TXLNA: variants seen among roughly 807,000 people sequenced by gnomAD.
TXLNA encodes taxilin alpha.
A neutral mutation model predicts 61.4 loss-of-function variants in TXLNA; 9 were observed. The ratio of observed to expected loss-of-function variants is 0.15; its 90% CI spans 0.09 to 0.26. TXLNA has a LOEUF of 0.26. Among genes scored for constraint, TXLNA ranks in the 10% least tolerant of loss-of-function variants. The pLI is 1.00. For synonymous variants in TXLNA, 257 were observed against 267.7 expected, an observed-to-expected ratio of 0.96 and a Z score of 0.39; for missense variants, 565 against 688.8, an observed-to-expected ratio of 0.82 and a Z score of 2.01.
At chr1:32,190,748 A>T (rs757280417) in intron 6 of TXLNA, among the ~76,000 whole-genome samples, 5 of 152,002 alleles carry the variant, frequency 3.3e-5, no homozygotes, top group African/African-American at 9.7e-5. Context: ...TCAGTGATGG[A>T]CTCCAGAGAC....
rs1242241367 is a variant in TXLNA at position 32,181,507 on chromosome 1, C to T, written c.435C>T (p.Ile145=). Residue 145 remains isoleucine, a synonymous_variant, in exon 3 of 11, where the codon ATC becomes ATT. Transcript: ENST00000373610. ...PSKGDPNTEE[I]RQSDEVGDRD... is the part of the protein sequence containing the mutation. ...AGGGGGATCCAAACACAGAAGAGAT[C>T]CGGCAGAGTGACGAGGTCGGAGACC... 1 of 1,604,834 alleles carries T rather than the reference C, an allele frequency of 6.2e-7. No homozygotes were observed. The highest frequency in any genetic ancestry group is 2.2e-5 in the East Asian group (1 of 44,608).
In TXLNA at chr1:32,195,019, A is replaced by C. The variant is rs199779330; in HGVS notation, c.1465A>C (p.Ser489Arg). 1 of 1,614,172 alleles carries C rather than the reference A, an allele frequency of 6.2e-7. No homozygotes were observed. Among genetic ancestry groups the C allele is most frequent in the African/African-American group, 1.3e-5 (1 of 75,064 alleles). ...NDLNKRVQDL[S>R]AGGQGSLTDS... is the part of the protein sequence containing the mutation. ...CCTGAACAAGAGGGTACAGGACCTGAGTGCTGGTGGCCAGGGCTCCCTCAC... is the reference window on the plus strand; with the variant it reads ...CCTGAACAAGAGGGTACAGGACCTGCGTGCTGGTGGCCAGGGCTCCCTCAC... Residue 489 changes from serine to arginine, a missense_variant, in exon 11 of 11, where the codon AGT becomes CGT. Physicochemically the swap from Ser to Arg is moderately radical, Grantham distance 110. Coordinates refer to ENST00000373610, the MANE Select transcript of TXLNA (RefSeq NM_175852.4).
intron 2 of TXLNA, 27 bp from the exon 3 acceptor site, chr1:32,181,213 ACT>A: frequency 6.7e-7 from 1 of 1,496,622 alleles, no homozygotes; most frequent in East Asian, 2.3e-5. Flanking sequence ...CTTCTTTCTC[ACT>A]CTACCCCTCA....
intron 3 of TXLNA, 120 bp from the exon 4 acceptor site, chr1:32,184,405 C>A: frequency 1.4e-6 from 1 of 701,472 alleles, no homozygotes; most frequent in Non-Finnish European, 2.6e-6. Context: ...GGCAGCTAAT[C>A]AACAAGCAAA....
At chr1:32,180,237 C>A in intron 1 of TXLNA, 77 bp from the exon 2 acceptor site, 1 of 1,385,594 alleles carries the variant, frequency 7.2e-7, no homozygotes, top group Non-Finnish European at 9.6e-7. Context: ...GCTTTGTGCG[C>A]CTGCTGTGGG....
At chr1:32,182,098 C>CTTTTTTTTTT (rs35693792) in intron 3 of TXLNA, among the ~76,000 whole-genome samples, 8 of 101,696 alleles carry the variant, frequency 7.9e-5, no homozygotes, top group East Asian at 3.2e-4. Context: ...TGCAGTCAGG[C>CTTTTTTTTTT]TTTTTTTTTT....
rs955732367 is a variant in TXLNA at position 32,192,024 on chromosome 1, A to G, written c.964-287A>G. 1.3e-5 allele frequency among the ~76,000 whole-genome samples: 2 copies of G among 152,268 alleles called. No homozygotes were observed. Among genetic ancestry groups the G allele is most frequent in the Non-Finnish European group, 2.9e-5 (2 of 68,052 alleles). The stretch of plus-strand genomic sequence containing the variant: ...GGGCTTCCAGCCCCATAGGTGATCA[A>G]TCCTGGGGTCAGAGATTTGAGTGTG... On this transcript the variant is annotated intron_variant, in intron 6 of 10. Transcript: ENST00000373610. This position sits in a 1 kb window ranked among gnomAD's most constrained non-coding sequence, Gnocchi z 4.2.
At position 32,194,952 on chromosome 1, in the gene TXLNA, G is replaced by A; in HGVS notation, c.1398G>A (p.Arg466=). ...AGGGCCTGCAGGTAAAAATCCAACGGCTGGAGAAGCTGTGCCGGGCACTGC... is the reference window on the plus strand; with the variant it reads ...AGGGCCTGCAGGTAAAAATCCAACGACTGGAGAAGCTGTGCCGGGCACTGC... ...ELEGLQVKIQ[R]LEKLCRALQT... The change falls in exon 11 of 11, where the codon CGG becomes CGA. Residue 466 remains arginine, a synonymous_variant. Coordinates refer to ENST00000373610, the MANE Select transcript of TXLNA (RefSeq NM_175852.4). The A allele has an allele frequency of 1.2e-6, 2 of 1,613,928 alleles. No individual in the cohort carries two copies. The highest frequency in any genetic ancestry group is 1.7e-6 in the Non-Finnish European group (2 of 1,179,936).
chr1:32,192,277 GACA>G lies in TXLNA; in HGVS notation c.964-32_964-30del. 6.2e-7 allele frequency: 1 copy of G among 1,608,924 alleles called. No individual in the cohort carries two copies. Among genetic ancestry groups the G allele is most frequent in the East Asian group, 2.2e-5 (1 of 44,732 alleles). On this transcript the variant is annotated intron_variant, in intron 6 of 10. Coordinates refer to ENST00000373610, the MANE Select transcript of TXLNA (RefSeq NM_175852.4). This position sits in a 1 kb window ranked among gnomAD's most constrained non-coding sequence, Gnocchi z 4.2. Reference sequence around the variant, plus strand: ...GGCTACCCTGAGAAAGGGAGCGCCTGACAAGCCGACTGCTCCCACCATCTTTGT... The same window carrying G: ...GGCTACCCTGAGAAAGGGAGCGCCTGAGCCGACTGCTCCCACCATCTTTGT...
Position 32,180,458 on chromosome 1 carries a change from C to T in TXLNA, c.113C>T (p.Ala38Val). ...GCCCAGGAGCGGCCCAGCCAGGCGG[C>T]TCCTGCAGTAGAAGCAGAAGGTCCC... ...EGAQERPSQA[A>V]PAVEAEGPGS... The change falls in exon 2 of 11, where the codon GCT (alanine) becomes GTT (valine). Residue 38 changes from alanine (A) to valine (V), a missense_variant. By Grantham distance (64) the Ala-to-Val change is moderately conservative (BLOSUM62 0). Coordinates refer to ENST00000373610, the MANE Select transcript of TXLNA (RefSeq NM_175852.4). 4 of 1,612,824 alleles carry T rather than the reference C, an allele frequency of 2.5e-6. No homozygotes were observed. Among genetic ancestry groups the T allele is most frequent in the South Asian group, 1.1e-5 (1 of 90,988 alleles).
intron 5 of TXLNA, among the ~76,000 whole-genome samples, chr1:32,188,383 A>C (rs1049931301): frequency 6.6e-6 from 1 of 152,250 alleles, no homozygotes; most frequent in African/African-American, 2.4e-5. Flanking sequence ...TCACACCTGT[A>C]ATCCCAACAC....
At chr1:32,188,259 CT>C in intron 5 of TXLNA, 135 bp downstream of exon 5, 2 of 879,522 alleles carry the variant, frequency 2.3e-6, no homozygotes, top group Non-Finnish European at 3.3e-6. Flanking sequence ...GATTAAAAAT[CT>C]TCTGGCCACT....
intron 8 of TXLNA, 73 bp from the exon 9 acceptor site, chr1:32,193,135 G>A (rs1642942451): frequency 8.7e-6 from 8 of 916,526 alleles, no homozygotes; most frequent in South Asian, 1.3e-5. Flanking sequence ...AGTCAAGGAC[G>A]GGTCTGAGTG....
intron 10 of TXLNA, among the ~76,000 whole-genome samples, chr1:32,194,404 G>A (rs569794930): frequency 1.3e-5 from 2 of 152,292 alleles, no homozygotes; most frequent in Non-Finnish European, 2.9e-5. Context: ...AGAAAAAAAC[G>A]GGTGCCAGTG....
chr1:32,187,550 C>A (rs537201276), intron 4 of TXLNA, among the ~76,000 whole-genome samples: 1 of 152,070 alleles, frequency 6.6e-6, no homozygotes, highest in Non-Finnish European at 1.5e-5. Flanking sequence ...TGAAGGAATG[C>A]GAGGGAGCGA....
At chr1:32,187,707 T>C (rs574786835) in intron 4 of TXLNA, among the ~76,000 whole-genome samples, 1 of 152,220 alleles carries the variant, frequency 6.6e-6, no homozygotes, top group Non-Finnish European at 1.5e-5. Flanking sequence ...TGGCATCTGC[T>C]GGCTGTGTGG....
chr1:32,192,851 G>A lies in TXLNA; in HGVS notation c.1158+120G>A. 1 of 1,031,028 alleles carries A rather than the reference G, an allele frequency of 9.7e-7. No homozygotes were observed. The highest frequency in any genetic ancestry group is 2.5e-5 in the East Asian group (1 of 40,146). The allele number at this position is 1,031,028 out of a possible 1,614,324, so 63.9% of individuals were successfully genotyped here. On this transcript the variant is annotated intron_variant, in intron 8 of 10. Coordinates refer to ENST00000373610, the MANE Select transcript of TXLNA (RefSeq NM_175852.4). The surrounding 1 kb of genome is among the most constrained non-coding windows in gnomAD (Gnocchi z 4.2). Reference sequence around the variant, plus strand: ...TGTGTCCTGGCTGCTATGACGCCTTGGTTGAGCCTTTGTTCTCTCCGGACC... The same window carrying A: ...TGTGTCCTGGCTGCTATGACGCCTTAGTTGAGCCTTTGTTCTCTCCGGACC...
At chr1:32,182,995 A>G (rs2124134795) in intron 3 of TXLNA, among the ~76,000 whole-genome samples, 1 of 151,410 alleles carries the variant, frequency 6.6e-6, no homozygotes, top group African/African-American at 2.4e-5. Context: ...TGAACCCGTG[A>G]GGCAGAGTTT....
chr1:32,181,431 A>T lies in TXLNA; in HGVS notation c.359A>T (p.Asn120Ile). ...AEKSRTYVAR[N>I]GEPEPTPVVN... ...AAGTCCCGGACCTATGTGGCAAGGA[A>T]TGGGGAGCCTGAACCAACTCCAGTA... Residue 120 changes from asparagine to isoleucine, a missense_variant, in exon 3 of 11, where the codon AAT (asparagine) becomes ATT (isoleucine). Around this residue, in one of 2 missense-constraint regions of TXLNA, gnomAD observed 192 missense variants for 184.8 expected, o/e 1.04. Transcript: ENST00000373610. The T allele has an allele frequency of 1.2e-6, 2 of 1,614,234 alleles. No homozygotes were observed. The highest frequency in any genetic ancestry group is 1.7e-6 in the Non-Finnish European group (2 of 1,180,040).
Sources: allele counts gnomAD v4.1 joint callset (sites outside exome capture counted in the v4.1 genomes callset), GRCh38; gene constraint gnomAD v4.1.1; regional missense constraint gnomAD v4.1.1; non-coding constraint Gnocchi (gnomAD v3.1); transcripts MANE v1.5; gene names NCBI Gene and HGNC (gene_info 2026-07-23, HGNC 2026-07-21).